TNIP1: variants seen among roughly 807,000 people sequenced by gnomAD.
The protein encoded by TNIP1 is TNFAIP3 interacting protein 1.
Under a neutral mutation model 86.6 loss-of-function variants are expected in TNIP1, and 22 were observed. The ratio of observed to expected loss-of-function variants is 0.25; its 90% confidence interval spans 0.18 to 0.36. TNIP1 has a LOEUF of 0.36. Among genes scored for constraint, TNIP1 ranks in the 10% least tolerant of loss-of-function variants. TNIP1 has a pLI of 1.00. For missense variants in TNIP1, 709 were observed against 820.6 expected (o/e 0.86, Z 1.66); for synonymous variants, 294 against 313.0 (o/e 0.94, Z 0.64).
chr5:151,079,218 C>A (rs1030124774), intron 1 of TNIP1, among the ~76,000 whole-genome samples: 1 of 152,194 alleles, frequency 6.6e-6, no homozygotes, highest in African/African-American at 2.4e-5. Context: ...GGACAGCAGC[C>A]TTGGTCAGGG....
chr5:151,060,207 C>T, intron 5 of TNIP1, 111 bp downstream of exon 5: 2 of 1,148,754 alleles, frequency 1.7e-6, no homozygotes, highest in Non-Finnish European at 1.3e-6. Flanking sequence ...CCCCAAGTGA[C>T]TCCAGGGTAC....
chr5:151,032,115 C>T, intron 17 of TNIP1, 172 bp downstream of exon 17: 1 of 605,622 alleles, frequency 1.7e-6, no homozygotes, highest in Non-Finnish European at 2.9e-6. Flanking sequence ...ATGGTTTCAG[C>T]CCCCCTCACT....
chr5:151,049,675 C>T, intron 8 of TNIP1, 149 bp downstream of exon 8: 1 of 955,344 alleles, frequency 1.0e-6, no homozygotes, highest in Non-Finnish European at 1.6e-6. Context: ...GAGGTCAGGC[C>T]AAGTAAAGAA....
At position 151,059,513 on chromosome 5, in the gene TNIP1, G is replaced by T. The variant is rs1359404558; in HGVS notation, c.435+805C>A. On this transcript the variant is annotated intron_variant, in intron 5 of 17. Coordinates refer to ENST00000521591, the MANE Select transcript of TNIP1 (RefSeq NM_006058.5). ...AACCTTTGTGAAGGGAGGCAGCAGG[G>T]ATCAATATATCAGTGAAGGGCTAGA... 5.3e-5 allele frequency among the ~76,000 whole-genome samples: 8 copies of T among 152,262 alleles called. No individual in the cohort carries two copies. The East Asian group carries it at 1.5e-3, about 29-fold the overall frequency.
chr5:151,063,862 G>A, intron 2 of TNIP1, 115 bp from the exon 3 acceptor site: 1 of 1,329,218 alleles, frequency 7.5e-7, no homozygotes, highest in Non-Finnish European at 1.0e-6. Context: ...CCAGGCCCTG[G>A]ACTTCACTCC....
At chr5:151,072,049 C>T (rs1036678224) in intron 1 of TNIP1, among the ~76,000 whole-genome samples, 2 of 152,186 alleles carry the variant, frequency 1.3e-5, no homozygotes, top group Non-Finnish European at 2.9e-5. Context: ...GGAAACCAGT[C>T]GACGCAGCTA....
chr5:151,042,503 G>C (rs1758556014), intron 11 of TNIP1, 37 bp downstream of exon 11: 1 of 1,601,244 alleles, frequency 6.2e-7, no homozygotes, highest in Non-Finnish European at 8.5e-7. Flanking sequence ...TAATGTGGAG[G>C]GGAACTGACT....
intron 1 of TNIP1, among the ~76,000 whole-genome samples, chr5:151,076,674 T>C (rs1763433018): frequency 6.6e-6 from 1 of 151,836 alleles, no homozygotes; most frequent in African/African-American, 2.4e-5. Flanking sequence ...TCCCTCACAG[T>C]GGTCAGGTAA....
intron 7 of TNIP1, among the ~76,000 whole-genome samples, chr5:151,050,456 G>C (rs1759761038): frequency 6.6e-6 from 1 of 152,164 alleles, no homozygotes; most frequent in East Asian, 1.9e-4. Flanking sequence ...ATTGTATTTA[G>C]AGTTATCTTC....
intron 16 of TNIP1, among the ~76,000 whole-genome samples, chr5:151,033,206 G>A (rs1288684698): frequency 6.7e-6 from 1 of 150,304 alleles, no homozygotes; most frequent in Non-Finnish European, 1.5e-5. Context: ...AGGAGCGGAG[G>A]GGAGGGGAGG....
At position 151,060,311 on chromosome 5, in the gene TNIP1, C is replaced by T. The variant is rs2113671425; in HGVS notation, c.435+7G>A. Reference sequence around the variant, plus strand: ...GGTCAAGCCCGGGGTCCTGCCCGTCCACTCACCATCGCATTGGCATGGCTG... The same window carrying T: ...GGTCAAGCCCGGGGTCCTGCCCGTCTACTCACCATCGCATTGGCATGGCTG... On this transcript the variant is annotated splice_region_variant and intron_variant, in intron 5 of 17. Coordinates refer to ENST00000521591, the MANE Select transcript of TNIP1 (RefSeq NM_006058.5). 6.2e-7 allele frequency: 1 copy of T among 1,614,018 alleles called. No individual in the cohort carries two copies. Among genetic ancestry groups the T allele is most frequent in the East Asian group, 2.2e-5 (1 of 44,874 alleles).
At chr5:151,031,666 C>T (rs895669090) in intron 17 of TNIP1, among the ~76,000 whole-genome samples, 3 of 152,196 alleles carry the variant, frequency 2.0e-5, no homozygotes, top group Admixed American at 6.5e-5. Context: ...GACCCGGCTA[C>T]GTCCTGAACC....
chr5:151,046,171 A>T, intron 8 of TNIP1: 1 of 556,448 alleles, frequency 1.8e-6, no homozygotes, highest in Non-Finnish European at 3.2e-6. Flanking sequence ...GGTGGCTGCC[A>T]GGCCCTCTCC....
intron 4 of TNIP1, among the ~76,000 whole-genome samples, chr5:151,061,267 A>G (rs1761530281): frequency 6.6e-6 from 1 of 152,134 alleles, no homozygotes; most frequent in Admixed American, 6.5e-5. Context: ...GTCAGTGCTC[A>G]GCTTCCAGCT....
At position 151,065,039 on chromosome 5, in the gene TNIP1, T is replaced by C; in HGVS notation, c.57A>G (p.Gly19=). 2 of 1,614,176 alleles carry C rather than the reference T, an allele frequency of 1.2e-6. No individual in the cohort carries two copies. Among genetic ancestry groups the C allele is most frequent in the Non-Finnish European group, 1.7e-6 (2 of 1,180,012 alleles). The part of the protein sequence containing the change: ...IYDPGGSVPS[G]EASAAFERLV... The stretch of plus-strand genomic sequence containing the variant: ...GGCGCTCAAAAGCTGCGGATGCCTC[T>C]CCTGAGGGCACGCTGCCCCCAGGGT... The change falls in exon 2 of 18, where the codon GGA becomes GGG. Residue 19 remains glycine (G), a synonymous_variant. Transcript: ENST00000521591.
intron 1 of TNIP1, among the ~76,000 whole-genome samples, chr5:151,065,474 AG>A (rs1331221710): frequency 6.6e-6 from 1 of 152,238 alleles, no homozygotes; most frequent in African/African-American, 2.4e-5. Context: ...GAGGTCCAGA[AG>A]AACAGGAATC....
At chr5:151,032,724 G>A (rs78001506) in intron 16 of TNIP1, 5,028 of 313,032 alleles carry the variant, frequency 0.016, 243 homozygotes, top group African/African-American at 0.11. Flanking sequence ...CAGCCAGGAG[G>A]TTTCTGTAAT....
At chr5:151,034,797 C>T in intron 15 of TNIP1, 1 of 599,648 alleles carries the variant, frequency 1.7e-6, no homozygotes, top group Non-Finnish European at 3.0e-6. Context: ...GCTACCTGGA[C>T]ACAGAATGTC....
intron 5 of TNIP1, among the ~76,000 whole-genome samples, chr5:151,059,866 T>TGTGC (rs142393672): frequency 0.029 from 2,341 of 81,784 alleles, 85 homozygotes; most frequent in Non-Finnish European, 0.043. Flanking sequence ...TGTGTGTGTG[T>TGTGC]GCGCGCGCGC....
Sources: allele counts gnomAD v4.1 joint callset (sites outside exome capture counted in the v4.1 genomes callset), GRCh38; gene constraint gnomAD v4.1.1; transcripts MANE v1.5; gene names NCBI Gene and HGNC (gene_info 2026-07-23, HGNC 2026-07-21).